Variants in EFHC2 observed in about 807,000 individuals in gnomAD.
EFHC2 encodes the protein EF-hand domain containing 2, also known as EF-hand domain-containing family member C2.
In EFHC2, 18 loss-of-function variants were observed where a neutral mutation model predicts 52.7. The ratio of observed to expected loss-of-function variants is 0.34; its 90% CI spans 0.24 to 0.51. The LOEUF is 0.51. EFHC2 is among the 20% of genes least tolerant of loss of function. The pLI, the probability that EFHC2 is intolerant of heterozygous loss-of-function variation, is 0.97. For missense variants in EFHC2, 513 were observed against 562.5 expected (o/e 0.91, Z 0.89); for synonymous variants, 203 against 204.1 (o/e 0.99, Z 0.04).
intron 8 of EFHC2, 137 bp from the exon 9 acceptor site, chrX:44,235,584 T>C (rs2037313507): frequency 1.7e-6 from 1 of 578,946 alleles, no homozygotes; most frequent in African/African-American, 2.3e-5. Context: ...AGTTCAACCA[T>C]CGTCTAATTA....
rs918650721 is a variant in EFHC2, at chrX:44,173,713, G to C, written c.2042+2579C>G. Among the ~76,000 whole-genome samples, 17 of 112,152 alleles carry C rather than the reference G, an allele frequency of 1.5e-4. No homozygotes were observed. In the East Asian group the frequency reaches 4.8e-3, roughly 31 times the overall value. On this transcript the variant is annotated intron_variant, in intron 13 of 14. Coordinates refer to ENST00000420999, the MANE Select transcript of EFHC2 (RefSeq NM_025184.4). ...ACCTCCTCAAAGCTAAGCTGGGCTT[G>C]GAGACAGATGTGTTCAGAGACTGAG...
At chrX:44,343,137 T>C (rs750154412) in intron 1 of EFHC2, among the ~76,000 whole-genome samples, 1 of 110,921 alleles carries the variant, frequency 9.0e-6, no homozygotes, top group East Asian at 2.8e-4. Context: ...GAAACCCAGC[T>C]TCACCACTGA....
At chrX:44,181,218 A>G (rs2036832998) in intron 11 of EFHC2, among the ~76,000 whole-genome samples, 1 of 112,002 alleles carries the variant, frequency 8.9e-6, no homozygotes, top group Non-Finnish European at 1.9e-5. Flanking sequence ...GGTCATAGAA[A>G]TAAGACCAGA....
At chrX:44,221,040 T>G (rs2037189812) in intron 11 of EFHC2, among the ~76,000 whole-genome samples, 1 of 112,138 alleles carries the variant, frequency 8.9e-6, no homozygotes. Flanking sequence ...AAATAATATT[T>G]CATCATTGTT....
chrX:44,156,033 T>C (rs938165717), intron 14 of EFHC2, among the ~76,000 whole-genome samples: 4 of 112,363 alleles, frequency 3.6e-5, no homozygotes, highest in Admixed American at 2.8e-4. Flanking sequence ...CATCTATGTG[T>C]GAGTTGTAGC....
intron 3 of EFHC2, among the ~76,000 whole-genome samples, chrX:44,262,152 C>T (rs1408910340): frequency 9.1e-6 from 1 of 110,349 alleles, no homozygotes; most frequent in Admixed American, 9.7e-5. Context: ...CCAACTATAC[C>T]ACACCATACC....
At position 44,265,920 on chromosome X, in the gene EFHC2, G is replaced by A. The variant is rs187499468; in HGVS notation, c.383-4622C>T. On this transcript the variant is annotated intron_variant, in intron 3 of 14. Transcript: ENST00000420999. The stretch of plus-strand genomic sequence containing the variant: ...TCACCTTGCAGCAAAAGAATAAGAA[G>A]TTAAAAATTCCACATTTCTGCTCAC... 2.0e-3 allele frequency among the ~76,000 whole-genome samples: 220 copies of A among 112,012 alleles called. 1 individual carries two copies. The highest frequency in any genetic ancestry group is 3.6e-3 in the Non-Finnish European group (194 of 53,226).
At chrX:44,240,698 C>T in intron 8 of EFHC2, among the ~76,000 whole-genome samples, 1 of 111,031 alleles carries the variant, frequency 9.0e-6, no homozygotes, top group South Asian at 3.9e-4. Flanking sequence ...CAGTGGTTCT[C>T]AAACACTGGT....
intron 3 of EFHC2, among the ~76,000 whole-genome samples, chrX:44,271,265 G>C (rs2037615246): frequency 9.0e-6 from 1 of 111,329 alleles, no homozygotes; most frequent in Non-Finnish European, 1.9e-5. Context: ...GAAACAGGGA[G>C]ACCACGTTAG....
At chrX:44,325,632 T>C (rs2038047124) in intron 1 of EFHC2, among the ~76,000 whole-genome samples, 2 of 109,032 alleles carry the variant, frequency 1.8e-5, no homozygotes, top group South Asian at 8.1e-4. Context: ...CTGGCTATAG[T>C]CATCTACATC....
intron 2 of EFHC2, chrX:44,309,443 G>C: frequency 9.1e-7 from 1 of 1,100,667 alleles, no homozygotes; most frequent in Non-Finnish European, 1.3e-6. Flanking sequence ...AAGTCAAATG[G>C]GCTCTCTACT....
intron 2 of EFHC2, among the ~76,000 whole-genome samples, chrX:44,301,246 A>C (rs2037866934): frequency 1.8e-5 from 2 of 109,567 alleles, no homozygotes; most frequent in African/African-American, 6.7e-5. Context: ...CCCAGGAACA[A>C]TTCAGTGCAA....
At chrX:44,273,501 A>G (rs1425440529) in intron 2 of EFHC2, among the ~76,000 whole-genome samples, 2 of 112,219 alleles carry the variant, frequency 1.8e-5, no homozygotes, top group African/African-American at 6.5e-5. Context: ...AAATTCCTTA[A>G]CTACTTTAGA....
intron 3 of EFHC2, among the ~76,000 whole-genome samples, chrX:44,267,791 C>T (rs1184070438): frequency 8.9e-6 from 1 of 111,970 alleles, no homozygotes; most frequent in African/African-American, 3.2e-5. Flanking sequence ...TACCCTGTCC[C>T]ACTGACGTCT....
intron 13 of EFHC2, among the ~76,000 whole-genome samples, chrX:44,172,545 C>T (rs1426160414): frequency 2.7e-5 from 3 of 112,027 alleles, no homozygotes; most frequent in Non-Finnish European, 5.6e-5. Flanking sequence ...TGCGTTAGCA[C>T]AGGACAAGTC....
intron 14 of EFHC2, among the ~76,000 whole-genome samples, chrX:44,152,339 C>T (rs1281592799): frequency 1.8e-5 from 2 of 111,569 alleles, no homozygotes; most frequent in South Asian, 3.8e-4. Flanking sequence ...GTGGAGAAGC[C>T]TGGATTATAA....
At chrX:44,343,512 C>T (rs1186302083) in intron 1 of EFHC2, 35 bp downstream of exon 1, 1 of 1,179,569 alleles carries the variant, frequency 8.5e-7, no homozygotes, top group Non-Finnish European at 1.1e-6. Flanking sequence ...AGACTCCAGC[C>T]GGGAGCTGTG....
intron 11 of EFHC2, among the ~76,000 whole-genome samples, chrX:44,212,228 CA>C (rs376975839): frequency 3.0e-4 from 33 of 111,003 alleles, no homozygotes; most frequent in African/African-American, 9.2e-4. Flanking sequence ...TAAAAAAGAA[CA>C]AAAAAAATTT....
chrX:44,171,288 A>G (rs911049162), intron 13 of EFHC2, among the ~76,000 whole-genome samples: 3 of 111,773 alleles, frequency 2.7e-5, no homozygotes, highest in Non-Finnish European at 5.6e-5. Flanking sequence ...GAAGCCATCC[A>G]TCTTCTTGCT....
Sources: allele counts gnomAD v4.1 joint callset (sites outside exome capture counted in the v4.1 genomes callset), GRCh38; gene constraint gnomAD v4.1.1; transcripts MANE v1.5; gene names NCBI Gene and HGNC (gene_info 2026-07-23, HGNC 2026-07-21).